Variants in PCP4 observed in about 807,000 individuals in gnomAD.
The protein encoded by PCP4 is Purkinje cell protein 4, also known as calmodulin regulator protein PCP4.
In PCP4, 8 loss-of-function variants were observed where a neutral mutation model predicts 10.0. The ratio of observed to expected loss-of-function variants is 0.80; its 90% CI spans 0.47 to 1.45. The LOEUF is 1.45. Ranked by LOEUF, PCP4 falls within the 40% of genes most tolerant of loss-of-function variation. The pLI, the probability that PCP4 is intolerant of heterozygous loss-of-function variation, is 0.00. For missense variants in PCP4, 54 were observed against 74.4 expected (o/e 0.73, Z 1.01); for synonymous variants, 21 against 23.0 (o/e 0.91, Z 0.24).
intron 1 of PCP4, among the ~76,000 whole-genome samples, chr21:39,888,708 A>G (rs1328106882): frequency 6.6e-6 from 1 of 152,156 alleles, no homozygotes; most frequent in East Asian, 1.9e-4. Flanking sequence ...CCGGCCCTCC[A>G]GGCTGTGAGC....
At chr21:39,918,806 G>T (rs1160104162) in intron 2 of PCP4, among the ~76,000 whole-genome samples, 4 of 152,116 alleles carry the variant, frequency 2.6e-5, no homozygotes, top group Non-Finnish European at 5.9e-5. Context: ...CTGGCTTGTT[G>T]GAATCCCACA....
intron 1 of PCP4, among the ~76,000 whole-genome samples, chr21:39,881,463 G>A (rs2087375314): frequency 6.6e-6 from 1 of 152,106 alleles, no homozygotes; most frequent in African/African-American, 2.4e-5. Flanking sequence ...AAAACACATT[G>A]AGACACCTGG....
chr21:39,877,882 C>G (rs1206781296), intron 1 of PCP4, among the ~76,000 whole-genome samples: 1 of 152,314 alleles, frequency 6.6e-6, no homozygotes, highest in East Asian at 1.9e-4. Context: ...CTAACATACA[C>G]AATTTTTAGA....
intron 2 of PCP4, among the ~76,000 whole-genome samples, chr21:39,916,377 G>T (rs1009513561): frequency 3.9e-5 from 6 of 152,126 alleles, no homozygotes. Context: ...ACTGGTTATG[G>T]CTATAGGAGG....
chr21:39,881,199 T>C (rs1474517994), intron 1 of PCP4, among the ~76,000 whole-genome samples: 1 of 152,212 alleles, frequency 6.6e-6, no homozygotes, highest in African/African-American at 2.4e-5. Context: ...TACTGTTTTC[T>C]GAAGCTATTT....
intron 2 of PCP4, among the ~76,000 whole-genome samples, chr21:39,926,535 T>C (rs760724106): frequency 3.3e-5 from 5 of 152,206 alleles, no homozygotes; most frequent in Non-Finnish European, 7.3e-5. Context: ...CACTGTACAG[T>C]TGATGCAAGG....
chr21:39,916,536 A>C (rs547578394), intron 2 of PCP4, among the ~76,000 whole-genome samples: 24 of 152,344 alleles, frequency 1.6e-4, no homozygotes, highest in Middle Eastern at 3.4e-3. Flanking sequence ...TTATTCAACC[A>C]TTGTGGAAGA....
At chr21:39,874,708 G>T (rs2087336637) in intron 1 of PCP4, among the ~76,000 whole-genome samples, 1 of 146,818 alleles carries the variant, frequency 6.8e-6, no homozygotes, top group South Asian at 2.1e-4. Context: ...TCATCAGGTG[G>T]TTAAGTTCTA....
intron 1 of PCP4, among the ~76,000 whole-genome samples, chr21:39,890,714 A>G (rs1326157549): frequency 2.0e-5 from 3 of 152,072 alleles, no homozygotes; most frequent in Admixed American, 2.0e-4. Context: ...AGTACTTTTT[A>G]TTTGAAAAAT....
intron 1 of PCP4, among the ~76,000 whole-genome samples, chr21:39,871,103 T>G (rs2087317579): frequency 6.6e-6 from 1 of 152,176 alleles, no homozygotes; most frequent in South Asian, 2.1e-4. Context: ...TAAATGGCAT[T>G]TTTCTTGACA....
chr21:39,926,077 C>CCTGA (rs1568863389), intron 2 of PCP4: 2 of 456,230 alleles, frequency 4.4e-6, no homozygotes, highest in Admixed American at 4.7e-5. Flanking sequence ...CTTACACACT[C>CCTGA]CTGACTGGCT....
chr21:39,898,137 A>G lies in PCP4; in HGVS notation c.10-339A>G, dbSNP rs2075718. Among the ~76,000 whole-genome samples, 1,458 of 152,018 alleles carry G rather than the reference A, an allele frequency of 9.6e-3. 69 individuals carry two copies. The East Asian group carries it at 0.14, about 14-fold the overall frequency. On this transcript the variant is annotated intron_variant, in intron 1 of 2. Transcript: ENST00000328619. ...ATGACTGTCATTAACAAAATGACGCATTAACAATGCTGATCTTGTAGCTGA... is the reference window on the plus strand; with the variant it reads ...ATGACTGTCATTAACAAAATGACGCGTTAACAATGCTGATCTTGTAGCTGA...
rs2087639823 is a variant in PCP4 at position 39,929,238 on chromosome 21, A to G, written c.*127A>G. 1.2e-6 allele frequency: 1 copy of G among 815,970 alleles called. No individual in the cohort carries two copies. Among genetic ancestry groups the G allele is most frequent in the Admixed American group, 2.8e-5 (1 of 35,772 alleles). The allele number at this position is 815,970 out of a possible 1,614,324, so 50.5% of individuals were successfully genotyped here. On this transcript the variant is annotated 3_prime_UTR_variant, in exon 3 of 3. Transcript: ENST00000328619. ...ATCCACACACGCATAGCAAACCTCC[A>G]ATGCATGTACAGAAACCTGTGATAT...
intron 1 of PCP4, among the ~76,000 whole-genome samples, chr21:39,898,036 A>G (rs1456922262): frequency 8.2e-6 from 1 of 121,792 alleles, no homozygotes; most frequent in Non-Finnish European, 1.6e-5. Flanking sequence ...ACAGAGCCAG[A>G]CTCAGTCTCA....
chr21:39,900,778 A>C (rs968057728), intron 2 of PCP4, among the ~76,000 whole-genome samples: 3 of 151,926 alleles, frequency 2.0e-5, no homozygotes, highest in Admixed American at 6.6e-5. Context: ...TTAGCTCGGA[A>C]CTCGACTCCA....
At chr21:39,887,804 C>G (rs538463050) in intron 1 of PCP4, among the ~76,000 whole-genome samples, 1 of 152,134 alleles carries the variant, frequency 6.6e-6, no homozygotes, top group Non-Finnish European at 1.5e-5. Flanking sequence ...TAGTAACAGG[C>G]CTTTTTGTTT....
intron 1 of PCP4, among the ~76,000 whole-genome samples, chr21:39,868,251 T>C (rs1438871907): frequency 6.6e-6 from 1 of 152,222 alleles, no homozygotes; most frequent in African/African-American, 2.4e-5. Flanking sequence ...CATTCTCTAA[T>C]TCAACTCAAT....
intron 2 of PCP4, 142 bp downstream of exon 2, chr21:39,898,669 C>T: frequency 1.6e-6 from 1 of 643,250 alleles, no homozygotes; most frequent in Non-Finnish European, 2.7e-6. Context: ...TTTAGCAATT[C>T]ACAGTGAGCA....
intron 2 of PCP4, among the ~76,000 whole-genome samples, chr21:39,907,893 A>G (rs1308167595): frequency 1.3e-5 from 2 of 152,174 alleles, no homozygotes; most frequent in Non-Finnish European, 2.9e-5. Context: ...AAGAGAGGAG[A>G]GTGAATCTGA....
Sources: gnomAD v4.1 joint callset for allele counts (sites outside exome capture counted in the v4.1 genomes callset) on GRCh38, gnomAD v4.1.1 for gene constraint, MANE v1.5 for transcripts, NCBI Gene and HGNC (gene_info 2026-07-23, HGNC 2026-07-21) for gene names.